Variants in INPP4B observed in about 807,000 individuals in gnomAD.
The protein encoded by INPP4B is inositol polyphosphate-4-phosphatase type II B.
A neutral mutation model predicts 122.5 loss-of-function variants in INPP4B; 55 were observed. The ratio of observed to expected loss-of-function variants is 0.45; its 90% confidence interval spans 0.36 to 0.56. The LOEUF (loss-of-function observed/expected upper bound fraction) is 0.56. Among genes scored for constraint, INPP4B ranks in the 20% least tolerant of loss-of-function variants. INPP4B has a pLI of 0.00. For synonymous variants in INPP4B, 403 were observed against 388.7 expected (o/e 1.04, Z -0.43); for missense variants, 1,000 against 1,097.7 (o/e 0.91, Z 1.26).
intron 1 of INPP4B, among the ~76,000 whole-genome samples, chr4:142,744,658 A>T (rs966194673): frequency 2.6e-5 from 4 of 151,800 alleles, no homozygotes; most frequent in Admixed American, 1.3e-4. Context: ...TTATTTGAGA[A>T]TTTTATATCT....
At chr4:142,748,995 C>G (rs976061465) in intron 1 of INPP4B, among the ~76,000 whole-genome samples, 8 of 151,664 alleles carry the variant, frequency 5.3e-5, no homozygotes, top group African/African-American at 1.9e-4. Context: ...CAAAAATTAT[C>G]CAGGTGTGGT....
At chr4:142,700,424 G>A (rs1222833807) in intron 2 of INPP4B, among the ~76,000 whole-genome samples, 1 of 152,034 alleles carries the variant, frequency 6.6e-6, no homozygotes, top group Admixed American at 6.6e-5. Flanking sequence ...GCTGTATCTT[G>A]TATTCCTTCA....
At chr4:142,698,293 T>C (rs1198986654) in intron 2 of INPP4B, among the ~76,000 whole-genome samples, 1 of 151,160 alleles carries the variant, frequency 6.6e-6, no homozygotes, top group African/African-American at 2.4e-5. Flanking sequence ...TTATTTCTCA[T>C]AGAAAAAAAG....
chr4:142,223,020 G>T (rs1248070299), intron 12 of INPP4B, among the ~76,000 whole-genome samples: 1 of 151,986 alleles, frequency 6.6e-6, no homozygotes, highest in African/African-American at 2.4e-5. Context: ...TTTATCAATA[G>T]TTTATTTTAA....
intron 2 of INPP4B, among the ~76,000 whole-genome samples, chr4:142,710,135 C>T (rs1433562759): frequency 1.3e-5 from 2 of 152,106 alleles, no homozygotes; most frequent in Non-Finnish European, 2.9e-5. Context: ...TCTCAGAGGT[C>T]ATAGAGGCAG....
intron 7 of INPP4B, among the ~76,000 whole-genome samples, chr4:142,362,160 A>ATTTTTT (rs1785654924): frequency 6.6e-6 from 1 of 152,022 alleles, no homozygotes. Flanking sequence ...AACTCTCATG[A>ATTTTTT]GGGTGCGTGG....
At chr4:142,676,961 G>A (rs1318726662) in intron 2 of INPP4B, among the ~76,000 whole-genome samples, 1 of 152,086 alleles carries the variant, frequency 6.6e-6, no homozygotes, top group Non-Finnish European at 1.5e-5. Context: ...AACACCAAAA[G>A]CAATGGCAAC....
intron 3 of INPP4B, among the ~76,000 whole-genome samples, chr4:142,448,630 G>A (rs939689543): frequency 2.0e-5 from 3 of 152,096 alleles, no homozygotes; most frequent in East Asian, 1.9e-4. Context: ...CCAGAAACAC[G>A]ATCCAGATGG....
rs193156711 is a variant in INPP4B, at chr4:142,190,582, T to G, written c.1181+2505A>C. Among the ~76,000 whole-genome samples, 617 of 152,318 alleles carry G rather than the reference T, an allele frequency of 4.1e-3. 2 individuals carry two copies. The highest frequency in any genetic ancestry group is 5.3e-3 in the Non-Finnish European group (361 of 68,032). ...CTTTTAAGATCCACAAAGTTGTTTT[T>G]TATTTCTTTTAAAATCTTTATTGTA... On this transcript the variant is annotated intron_variant, in intron 15 of 25. Transcript: ENST00000262992.
At chr4:142,231,414 A>G (rs1358246168) in intron 12 of INPP4B, among the ~76,000 whole-genome samples, 3 of 152,232 alleles carry the variant, frequency 2.0e-5, no homozygotes, top group African/African-American at 4.8e-5. Flanking sequence ...GCTTTCAGGT[A>G]TACACCAACT....
chr4:142,267,970 A>T (rs1023682946), intron 10 of INPP4B, among the ~76,000 whole-genome samples: 1 of 152,126 alleles, frequency 6.6e-6, no homozygotes, highest in Non-Finnish European at 1.5e-5. Flanking sequence ...TTACCAGGAA[A>T]ATGCAAATTA....
chr4:142,526,453 G>A (rs974839265), intron 2 of INPP4B, among the ~76,000 whole-genome samples: 5 of 152,120 alleles, frequency 3.3e-5, no homozygotes, highest in African/African-American at 1.2e-4. Flanking sequence ...ACCTGTCAGA[G>A]ACCAGACCAG....
intron 25 of INPP4B, among the ~76,000 whole-genome samples, chr4:142,047,208 T>C (rs889566672): frequency 2.0e-5 from 3 of 152,070 alleles, no homozygotes; most frequent in Admixed American, 6.6e-5. Flanking sequence ...CAGAGTTAAC[T>C]TTTTTGATAG....
At chr4:142,289,184 A>G (rs928269654) in intron 9 of INPP4B, among the ~76,000 whole-genome samples, 2 of 152,314 alleles carry the variant, frequency 1.3e-5, no homozygotes, top group African/African-American at 2.4e-5. Context: ...TTTTTAAAAT[A>G]TGGTGATGAT....
chr4:142,407,212 T>C, intron 5 of INPP4B, among the ~76,000 whole-genome samples: 1 of 152,264 alleles, frequency 6.6e-6, no homozygotes, highest in East Asian at 1.9e-4. Context: ...GGTTTTCTGC[T>C]TACAGTAAAC....
At chr4:142,518,003 A>T (rs1825622943) in intron 2 of INPP4B, among the ~76,000 whole-genome samples, 1 of 152,324 alleles carries the variant, frequency 6.6e-6, no homozygotes, top group Non-Finnish European at 1.5e-5. Context: ...ACAATGTGTC[A>T]CAAAGGTCTT....
chr4:142,617,335 C>G (rs1222169478), intron 2 of INPP4B, among the ~76,000 whole-genome samples: 1 of 152,084 alleles, frequency 6.6e-6, no homozygotes, highest in Admixed American at 6.6e-5. Flanking sequence ...AGCTGACATA[C>G]ATTCGCTCCA....
intron 9 of INPP4B, among the ~76,000 whole-genome samples, chr4:142,301,334 A>G (rs754875637): frequency 6.6e-6 from 1 of 152,208 alleles, no homozygotes; most frequent in Non-Finnish European, 1.5e-5. Flanking sequence ...ATAAAACATT[A>G]GTAAAAATTA....
intron 12 of INPP4B, among the ~76,000 whole-genome samples, chr4:142,231,102 A>G (rs1854149479): frequency 6.6e-6 from 1 of 152,216 alleles, no homozygotes; most frequent in Non-Finnish European, 1.5e-5. Context: ...TGTATGTACC[A>G]TCTCAAATTT....
Sources: gnomAD v4.1 joint callset for allele counts (sites outside exome capture counted in the v4.1 genomes callset) on GRCh38, gnomAD v4.1.1 for gene constraint, MANE v1.5 for transcripts, NCBI Gene and HGNC (gene_info 2026-07-23, HGNC 2026-07-21) for gene names.